The following SHB variants were observed in gnomAD, a reference collection of about 807,000 sequenced individuals.
SHB encodes SH2 domain containing adaptor protein B, also known as SH2 domain-containing adapter protein B.
A neutral mutation model predicts 52.3 loss-of-function variants in SHB; 20 were observed. The ratio of observed to expected loss-of-function variants is 0.38; its 90% CI spans 0.27 to 0.56. The LOEUF (loss-of-function observed/expected upper bound fraction) is 0.56. Ranked by LOEUF, SHB falls within the 20% of genes least tolerant of loss-of-function variation. SHB has a pLI of 0.71. For missense variants in SHB, 825 were observed against 723.3 expected, an observed-to-expected ratio of 1.14 and a Z score of -1.61; for synonymous variants, 397 against 316.5, an observed-to-expected ratio of 1.25 and a Z score of -2.70.
At chr9:37,932,289 A>G (rs1232050332) in intron 5 of SHB, among the ~76,000 whole-genome samples, 35 of 151,274 alleles carry the variant, frequency 2.3e-4, no homozygotes, top group African/African-American at 7.7e-4. Flanking sequence ...AAAAAAAAAA[A>G]AAAAAGAAAA....
At position 37,917,794 on chromosome 9, in the gene SHB, A is replaced by C. The variant is rs1432327559; in HGVS notation, c.*2027T>G. Among the ~76,000 whole-genome samples, 1 of 152,234 alleles carries C rather than the reference A, an allele frequency of 6.6e-6. No individual in the cohort carries two copies. The highest frequency in any genetic ancestry group is 1.5e-5 in the Non-Finnish European group (1 of 68,038). ...AGGCAAGGAAAGGATTGGCTTCTTT[A>C]AGAGATTAAACCCAGGCCACAGCCA... is the stretch of plus-strand genomic sequence containing the variant. On this transcript the variant is annotated 3_prime_UTR_variant, in exon 6 of 6. Coordinates refer to ENST00000377707, the MANE Select transcript of SHB (RefSeq NM_003028.3).
At position 37,967,498 on chromosome 9, in the gene SHB, G is replaced by A. The variant is rs2117947968; in HGVS notation, c.1054+7124C>T. Among the ~76,000 whole-genome samples the A allele has an allele frequency of 2.0e-5, 3 of 152,334 alleles. No individual in the cohort carries two copies. The South Asian group carries it at 6.2e-4, about 32-fold the overall frequency. On this transcript the variant is annotated intron_variant, in intron 3 of 5. Coordinates refer to ENST00000377707, the MANE Select transcript of SHB (RefSeq NM_003028.3). ...ATAAACCAATGTACTCCAGTACAGG[G>A]TGTAGTAGAAGCACAGAGGGGAAGG...
chr9:37,966,675 C>A (rs926820465), intron 3 of SHB, among the ~76,000 whole-genome samples: 19 of 152,200 alleles, frequency 1.2e-4, no homozygotes, highest in African/African-American at 4.1e-4. Context: ...GGACAGGAAG[C>A]ATCATGGGAG....
chr9:37,932,102 T>C (rs1564081632), intron 5 of SHB, among the ~76,000 whole-genome samples: 1 of 151,674 alleles, frequency 6.6e-6, no homozygotes, highest in African/African-American at 2.4e-5. Flanking sequence ...GTCAACACGA[T>C]GAAACCCCGT....
chr9:37,926,482 G>A (rs541775216), intron 5 of SHB, among the ~76,000 whole-genome samples: 15 of 152,308 alleles, frequency 9.8e-5, no homozygotes, highest in African/African-American at 3.6e-4. Flanking sequence ...CAAGAGATGG[G>A]CCTACAGATT....
chr9:38,049,438 A>C (rs1486569648), intron 1 of SHB, among the ~76,000 whole-genome samples: 1 of 151,968 alleles, frequency 6.6e-6, no homozygotes, highest in East Asian at 2.0e-4. Flanking sequence ...GCAAAAGCCC[A>C]TCTCTACTAA....
intron 3 of SHB, among the ~76,000 whole-genome samples, chr9:37,972,406 G>A (rs1820600543): frequency 6.6e-6 from 1 of 152,210 alleles, no homozygotes; most frequent in South Asian, 2.1e-4. Context: ...AGGACCTACA[G>A]CCACAGGATG....
In SHB at chr9:38,068,679, C is replaced by G. The variant is rs1822012432; in HGVS notation, c.-34G>C. The G allele has an allele frequency of 7.9e-7, 1 of 1,270,800 alleles. No homozygotes were observed. Among genetic ancestry groups the G allele is most frequent in the Non-Finnish European group, 9.9e-7 (1 of 1,013,308 alleles). The allele number at this position is 1,270,800 out of a possible 1,614,324, so 78.7% of individuals were successfully genotyped here. On this transcript the variant is annotated 5_prime_UTR_variant, in exon 1 of 6. Coordinates refer to ENST00000377707, the MANE Select transcript of SHB (RefSeq NM_003028.3). ...GCCGCCTAGGGCCGCGGCGCGGGAG[C>G]CCGGTCCGCCGCCGCGGCCATTCGG...
intron 1 of SHB, among the ~76,000 whole-genome samples, chr9:38,022,613 C>G (rs2118093454): frequency 6.6e-6 from 1 of 152,236 alleles, no homozygotes; most frequent in South Asian, 2.1e-4. Flanking sequence ...TCCCAGTCCT[C>G]CTTTGGGACC....
Position 37,974,612 on chromosome 9 carries a change from G to A in SHB, c.1054+10C>T. 6.2e-7 allele frequency: 1 copy of A among 1,610,464 alleles called. No homozygotes were observed. The highest frequency in any genetic ancestry group is 1.3e-5 in the African/African-American group (1 of 74,920). ...GCAGCTGCCTCCTGAGCAGGGTCAGGGCTCCTTACCTGCCAGGGCTGGGAT... is the reference window on the plus strand; with the variant it reads ...GCAGCTGCCTCCTGAGCAGGGTCAGAGCTCCTTACCTGCCAGGGCTGGGAT... On this transcript the variant is annotated intron_variant, in intron 3 of 5. Coordinates refer to ENST00000377707, the MANE Select transcript of SHB (RefSeq NM_003028.3).
chr9:37,986,322 G>A (rs562567821), intron 2 of SHB, among the ~76,000 whole-genome samples: 1 of 152,240 alleles, frequency 6.6e-6, no homozygotes, highest in South Asian at 2.1e-4. Context: ...GCTGGGGGAT[G>A]TTGAGGTGAA....
Position 37,935,730 on chromosome 9 carries a change from G to A in SHB, c.1346+12905C>T, listed in dbSNP as rs114012925. Among the ~76,000 whole-genome samples, 6 of 152,222 alleles carry A rather than the reference G, an allele frequency of 3.9e-5. No homozygotes were observed. The East Asian group carries it at 5.8e-4, about 15-fold the overall frequency. ...AGACGCAGAATCGAGATCTGAACCAGGGAGGGATTCTGGCTCCAGGTGGTC... is the reference window on the plus strand; with the variant it reads ...AGACGCAGAATCGAGATCTGAACCAAGGAGGGATTCTGGCTCCAGGTGGTC... On this transcript the variant is annotated intron_variant, in intron 5 of 5. Transcript: ENST00000377707.
intron 5 of SHB, among the ~76,000 whole-genome samples, chr9:37,929,677 G>A (rs1832291534): frequency 6.6e-6 from 1 of 152,232 alleles, no homozygotes; most frequent in Admixed American, 6.5e-5. Context: ...GGGATACCTG[G>A]GTTCTGGCCC....
At chr9:37,950,567 ACT>A (rs1486923843) in intron 4 of SHB, among the ~76,000 whole-genome samples, 1 of 152,052 alleles carries the variant, frequency 6.6e-6, no homozygotes, top group African/African-American at 2.4e-5. Context: ...AGGGGGTGAG[ACT>A]CAGCCAGGAG....
chr9:38,012,348 G>T (rs766814936), intron 2 of SHB, among the ~76,000 whole-genome samples: 2 of 152,142 alleles, frequency 1.3e-5, no homozygotes, highest in Non-Finnish European at 2.9e-5. Context: ...GGGACGTCTT[G>T]GGCTAGTTTT....
At chr9:38,029,301 A>G (rs57219647) in intron 1 of SHB, among the ~76,000 whole-genome samples, 20,936 of 152,114 alleles carry the variant, frequency 0.14, 3,192 homozygotes, top group African/African-American at 0.37. Flanking sequence ...CAGAAGTCCT[A>G]CCAATAAGGG....
chr9:38,025,215 G>A (rs1821327154), intron 1 of SHB, among the ~76,000 whole-genome samples: 2 of 152,188 alleles, frequency 1.3e-5, no homozygotes, highest in Admixed American at 6.5e-5. Flanking sequence ...AGCTCTCTGT[G>A]GGAGGTGGGC....
chr9:38,018,955 T>A (rs1821250113), intron 1 of SHB, among the ~76,000 whole-genome samples: 1 of 152,242 alleles, frequency 6.6e-6, no homozygotes. Context: ...TGCTTTTGCT[T>A]TGCTTTAAAA....
At chr9:38,015,107 C>T (rs1821194003) in intron 2 of SHB, among the ~76,000 whole-genome samples, 1 of 152,250 alleles carries the variant, frequency 6.6e-6, no homozygotes, top group Non-Finnish European at 1.5e-5. Context: ...CAGCCACTCT[C>T]CTGCACCCTG....
Sources: gnomAD v4.1 joint callset for allele counts (sites outside exome capture counted in the v4.1 genomes callset) on GRCh38, gnomAD v4.1.1 for gene constraint, MANE v1.5 for transcripts, NCBI Gene and HGNC (gene_info 2026-07-23, HGNC 2026-07-21) for gene names.